GPC6: variants seen among roughly 807,000 people sequenced by gnomAD.
GPC6 encodes glypican-6.
GPC6 carries 14 observed loss-of-function variants against 55.2 expected under a neutral mutation model. The observed-to-expected ratio is 0.25, with a 90% CI of 0.17 to 0.40. GPC6 has a LOEUF of 0.40. Ranked by LOEUF, GPC6 falls within the 10% of genes least tolerant of loss-of-function variation. The pLI is 1.00. For missense variants in GPC6, 641 were observed against 708.5 expected (o/e 0.90, Z 1.08); for synonymous variants, 278 against 259.6 (o/e 1.07, Z -0.68).
intron 1 of GPC6, among the ~76,000 whole-genome samples, chr13:93,511,272 T>C (rs868629721): frequency 3.0e-4 from 46 of 151,782 alleles, no homozygotes; most frequent in African/African-American, 1.0e-3. Flanking sequence ...TCTAGAACAA[T>C]ATACAGGAGG....
At chr13:94,014,553 G>T (rs1162056755) in intron 3 of GPC6, among the ~76,000 whole-genome samples, 1 of 152,116 alleles carries the variant, frequency 6.6e-6, no homozygotes, top group East Asian at 1.9e-4. Flanking sequence ...TCACCCGTTT[G>T]TAGAGGCCAA....
chr13:94,128,262 G>A (rs1362526027), intron 4 of GPC6, among the ~76,000 whole-genome samples: 1 of 152,098 alleles, frequency 6.6e-6, no homozygotes, highest in Admixed American at 6.6e-5. Flanking sequence ...TGTAAAGTAG[G>A]AAAATTTTTA....
In GPC6 at chr13:93,648,633, G is replaced by A. The variant is rs531119199; in HGVS notation, c.319+103212G>A. ...AAAAATGTTTGCACTATTAGAATCTGGCAAATAAGATTATTGTATTAACTT... is the reference window on the plus strand; with the variant it reads ...AAAAATGTTTGCACTATTAGAATCTAGCAAATAAGATTATTGTATTAACTT... On this transcript the variant is annotated intron_variant, in intron 2 of 8. Coordinates refer to ENST00000377047, the MANE Select transcript of GPC6 (RefSeq NM_005708.5). Among the ~76,000 whole-genome samples, 5 of 152,262 alleles carry A rather than the reference G, an allele frequency of 3.3e-5. No individual in the cohort carries two copies. In the South Asian group the frequency reaches 1.0e-3, roughly 32 times the overall value.
chr13:93,480,651 C>T (rs916612286), intron 1 of GPC6, among the ~76,000 whole-genome samples: 3 of 152,160 alleles, frequency 2.0e-5, no homozygotes, highest in African/African-American at 7.2e-5. Flanking sequence ...GTGGTCACTC[C>T]GTATTGCCCT....
intron 6 of GPC6, among the ~76,000 whole-genome samples, chr13:94,361,133 A>G (rs1247235946): frequency 6.6e-6 from 1 of 152,208 alleles, no homozygotes; most frequent in East Asian, 1.9e-4. Context: ...AATTGGAGGC[A>G]ATTATGGATT....
chr13:93,995,619 T>A (rs1566639605), intron 3 of GPC6, among the ~76,000 whole-genome samples: 1 of 152,194 alleles, frequency 6.6e-6, no homozygotes, highest in Non-Finnish European at 1.5e-5. Flanking sequence ...TAGGTACTAG[T>A]GAACTTAAAC....
At chr13:93,848,060 C>T (rs1322717998) in intron 3 of GPC6, among the ~76,000 whole-genome samples, 2 of 152,034 alleles carry the variant, frequency 1.3e-5, no homozygotes, top group African/African-American at 2.4e-5. Context: ...ATTTCTGGGG[C>T]CAGTCAATTT....
intron 3 of GPC6, among the ~76,000 whole-genome samples, chr13:93,886,264 A>G (rs1264956279): frequency 6.6e-6 from 1 of 152,036 alleles, no homozygotes; most frequent in African/African-American, 2.4e-5. Flanking sequence ...CTAGAATGGC[A>G]AGATTACATT....
chr13:93,525,775 T>C (rs1463952373), intron 1 of GPC6, among the ~76,000 whole-genome samples: 1 of 152,102 alleles, frequency 6.6e-6, no homozygotes, highest in Non-Finnish European at 1.5e-5. Context: ...GTGCCAGAGC[T>C]ATCTCCTTAT....
intron 4 of GPC6, among the ~76,000 whole-genome samples, chr13:94,192,091 A>T (rs757619782): frequency 6.6e-6 from 1 of 152,220 alleles, no homozygotes; most frequent in Non-Finnish European, 1.5e-5. Context: ...CCACTTGGTC[A>T]TCAAATAATT....
chr13:94,114,627 G>A (rs558703410), intron 4 of GPC6, among the ~76,000 whole-genome samples: 27 of 152,038 alleles, frequency 1.8e-4, no homozygotes, highest in East Asian at 5.8e-4. Context: ...TCAGGTGTAC[G>A]TATAGAAGTT....
At chr13:94,296,644 C>A (rs1875349317) in intron 5 of GPC6, among the ~76,000 whole-genome samples, 1 of 152,176 alleles carries the variant, frequency 6.6e-6, no homozygotes, top group Non-Finnish European at 1.5e-5. Flanking sequence ...GAGTCATTGC[C>A]TCAGCCAGCC....
intron 2 of GPC6, among the ~76,000 whole-genome samples, chr13:93,633,730 A>T (rs1479552610): frequency 6.6e-6 from 1 of 152,142 alleles, no homozygotes; most frequent in African/African-American, 2.4e-5. Flanking sequence ...CAAGAATAGA[A>T]GGAAAGGGCA....
intron 4 of GPC6, among the ~76,000 whole-genome samples, chr13:94,142,955 A>C (rs2138883086): frequency 6.6e-6 from 1 of 151,902 alleles, no homozygotes; most frequent in South Asian, 2.1e-4. Flanking sequence ...TAGCCTCCCA[A>C]GTAGCTGGGA....
intron 4 of GPC6, among the ~76,000 whole-genome samples, chr13:94,264,685 A>T (rs1891743305): frequency 1.3e-5 from 2 of 152,218 alleles, no homozygotes; most frequent in African/African-American, 4.8e-5. Flanking sequence ...CCATGGTAAA[A>T]TTTAAAAAGA....
At chr13:93,427,077 A>T (rs1877159113) in intron 1 of GPC6, among the ~76,000 whole-genome samples, 2 of 147,924 alleles carry the variant, frequency 1.4e-5, no homozygotes, top group Non-Finnish European at 3.0e-5. Flanking sequence ...CCACTTTTTG[A>T]TGGGGTTGTT....
At chr13:93,483,066 T>C (rs1432242538) in intron 1 of GPC6, among the ~76,000 whole-genome samples, 1 of 152,128 alleles carries the variant, frequency 6.6e-6, no homozygotes, top group Non-Finnish European at 1.5e-5. Flanking sequence ...CAGGTGGAGA[T>C]TTTCTGACTT....
intron 3 of GPC6, among the ~76,000 whole-genome samples, chr13:94,017,004 T>C (rs1352787990): frequency 6.6e-6 from 1 of 152,038 alleles, no homozygotes; most frequent in African/African-American, 2.4e-5. Context: ...CCAGCTAATT[T>C]TTGTATTTTT....
intron 1 of GPC6, among the ~76,000 whole-genome samples, chr13:93,402,568 G>C (rs888559718): frequency 3.9e-5 from 6 of 152,104 alleles, no homozygotes; most frequent in Admixed American, 6.5e-5. Flanking sequence ...TGGCCAGGCC[G>C]GTCTGAATTT....
Sources: allele counts gnomAD v4.1 joint callset (sites outside exome capture counted in the v4.1 genomes callset), GRCh38; gene constraint gnomAD v4.1.1; transcripts MANE v1.5; gene names NCBI Gene and HGNC (gene_info 2026-07-23, HGNC 2026-07-21).